Variants in WNT3 observed in about 807,000 individuals in gnomAD.
WNT3 encodes proto-oncogene Wnt-3.
A neutral mutation model predicts 34.2 loss-of-function variants in WNT3; 7 were observed. That is an observed-to-expected ratio of 0.20 (90% CI 0.12 to 0.38). The LOEUF is 0.38. Ranked by LOEUF, WNT3 falls within the 10% of genes least tolerant of loss-of-function variation. WNT3 has a pLI of 1.00. For synonymous variants in WNT3, 212 were observed against 211.5 expected, an observed-to-expected ratio of 1.00 and a Z score of -0.02; for missense variants, 267 against 499.8, an observed-to-expected ratio of 0.53 and a Z score of 4.44.
intron 1 of WNT3, among the ~76,000 whole-genome samples, chr17:46,797,173 T>C (rs935657503): frequency 2.6e-5 from 4 of 152,230 alleles, no homozygotes; most frequent in Admixed American, 2.6e-4. Flanking sequence ...AAGTTGCCTG[T>C]GGCGATTCTT....
chr17:46,818,606 G>A lies in WNT3; in HGVS notation c.-9C>T. 3.1e-6 allele frequency: 5 copies of A among 1,590,016 alleles called. No individual in the cohort carries two copies. Among genetic ancestry groups the A allele is most frequent in the African/African-American group, 1.3e-5 (1 of 74,728 alleles). On this transcript the variant is annotated 5_prime_UTR_variant, in exon 1 of 5. Coordinates refer to ENST00000225512, the MANE Select transcript of WNT3 (RefSeq NM_030753.5). ...AGCAGGTGGGGCTCCATTAGAAGAG[G>A]CGCCGAGGAGGAAGTTTGCCCGCGA...
At position 46,818,582 on chromosome 17, in the gene WNT3, G is replaced by A. The variant is rs896697492; in HGVS notation, c.16C>T (p.Leu6Phe). The change falls in exon 1 of 5, where the codon CTC becomes TTC. Residue 6 changes from leucine to phenylalanine, a missense_variant. By Grantham distance (22) the Leu-to-Phe change is conservative. This residue lies in a region of WNT3 where 26 missense variants were observed against 25.8 expected (regional missense o/e 1.01). Coordinates refer to ENST00000225512, the MANE Select transcript of WNT3 (RefSeq NM_030753.5). MEPHL[L>F]GLLLGLLLGG... ...AGCAGGAGGCCGAGGAGCAGCCCGAGCAGGTGGGGCTCCATTAGAAGAGGC... is the reference window on the plus strand; with the variant it reads ...AGCAGGAGGCCGAGGAGCAGCCCGAACAGGTGGGGCTCCATTAGAAGAGGC... The A allele has an allele frequency of 4.4e-6, 7 of 1,603,096 alleles. No homozygotes were observed. The Admixed American group carries it at 5.1e-5, about 12-fold the overall frequency.
chr17:46,793,671 C>T (rs1468048079), intron 1 of WNT3, among the ~76,000 whole-genome samples: 1 of 152,188 alleles, frequency 6.6e-6, no homozygotes, highest in Non-Finnish European at 1.5e-5. Context: ...TCTCCCAAGA[C>T]AACACACCCA....
At chr17:46,789,153 A>T (rs1413839900) in intron 1 of WNT3, among the ~76,000 whole-genome samples, 2 of 152,056 alleles carry the variant, frequency 1.3e-5, no homozygotes, top group African/African-American at 4.8e-5. Flanking sequence ...CTCTTACCTG[A>T]ACCTGGAGCT....
intron 1 of WNT3, among the ~76,000 whole-genome samples, chr17:46,782,307 TGAG>T (rs953038061): frequency 5.9e-5 from 9 of 152,030 alleles, no homozygotes; most frequent in Admixed American, 4.6e-4. Context: ...GGAGGGAAGG[TGAG>T]GAGAAGGAGT....
intron 2 of WNT3, among the ~76,000 whole-genome samples, chr17:46,770,273 G>C (rs900711855): frequency 2.6e-5 from 4 of 152,234 alleles, no homozygotes; most frequent in African/African-American, 4.8e-5. Context: ...CTGGGCTGCT[G>C]ATTAGCTCAG....
intron 1 of WNT3, among the ~76,000 whole-genome samples, chr17:46,791,997 A>T (rs903200441): frequency 6.6e-6 from 1 of 152,176 alleles, no homozygotes; most frequent in Non-Finnish European, 1.5e-5. Flanking sequence ...CTGTGATTGC[A>T]CCACTGCACT....
chr17:46,798,251 T>C (rs1373637904), intron 1 of WNT3, among the ~76,000 whole-genome samples: 1 of 152,126 alleles, frequency 6.6e-6, no homozygotes, highest in Non-Finnish European at 1.5e-5. Flanking sequence ...TTTTAAGTAA[T>C]GGAATAAATA....
intron 1 of WNT3, among the ~76,000 whole-genome samples, chr17:46,774,150 G>A (rs373464282): frequency 3.9e-5 from 6 of 152,244 alleles, no homozygotes; most frequent in East Asian, 1.9e-4. Flanking sequence ...CGCAGAAGCC[G>A]CTTGTGGGGG....
At chr17:46,773,616 T>TGGGGGGGGGGG in intron 2 of WNT3, 52 bp downstream of exon 2, 2 of 997,786 alleles carry the variant, frequency 2.0e-6, no homozygotes, top group Non-Finnish European at 1.5e-6. Flanking sequence ...CATACAGTCC[T>TGGGGGGGGGGG]GATCCCTCCC....
At chr17:46,816,493 A>G (rs908905355) in intron 1 of WNT3, among the ~76,000 whole-genome samples, 13 of 151,136 alleles carry the variant, frequency 8.6e-5, no homozygotes, top group East Asian at 5.9e-4. Context: ...ACACACACAC[A>G]CACACACACA....
intron 1 of WNT3, among the ~76,000 whole-genome samples, chr17:46,790,645 T>C (rs2083972775): frequency 6.6e-6 from 1 of 152,118 alleles, no homozygotes. Context: ...CAACCTCTGG[T>C]CTTGTCCACT....
chr17:46,794,552 T>C (rs1479667178), intron 1 of WNT3, among the ~76,000 whole-genome samples: 3 of 152,114 alleles, frequency 2.0e-5, no homozygotes, highest in Non-Finnish European at 4.4e-5. Flanking sequence ...CTCTCCTTTG[T>C]TTGCAGAACA....
intron 1 of WNT3, among the ~76,000 whole-genome samples, chr17:46,791,407 A>T (rs1470068597): frequency 3.3e-5 from 5 of 152,008 alleles, no homozygotes; most frequent in African/African-American, 4.8e-5. Flanking sequence ...GGGTTTCAAC[A>T]TGTTGGCCAG....
chr17:46,771,898 C>G (rs2059376676), intron 2 of WNT3, among the ~76,000 whole-genome samples: 1 of 145,470 alleles, frequency 6.9e-6, no homozygotes. Context: ...GCCCCTGCCC[C>G]CGCCCCCGCC....
At chr17:46,794,123 G>A (rs1598781926) in intron 1 of WNT3, among the ~76,000 whole-genome samples, 1 of 152,220 alleles carries the variant, frequency 6.6e-6, no homozygotes, top group Non-Finnish European at 1.5e-5. Context: ...TGGTGGGAGG[G>A]GCGTGGGGGA....
intron 1 of WNT3, among the ~76,000 whole-genome samples, chr17:46,810,252 C>T (rs948623307): frequency 2.0e-5 from 3 of 152,168 alleles, no homozygotes; most frequent in Non-Finnish European, 2.9e-5. Flanking sequence ...AGGTGATCCA[C>T]CCGCCTCGGC....
chr17:46,816,144 C>T (rs1032321054), intron 1 of WNT3, among the ~76,000 whole-genome samples: 2 of 151,970 alleles, frequency 1.3e-5, no homozygotes, highest in African/African-American at 2.4e-5. Flanking sequence ...CACACACGCA[C>T]GCACGCACAC....
At position 46,795,203 on chromosome 17, in the gene WNT3, C is replaced by T. The variant is rs1467866756; in HGVS notation, c.81-21294G>A. 2.6e-5 allele frequency among the ~76,000 whole-genome samples: 4 copies of T among 152,220 alleles called. No individual in the cohort carries two copies. The East Asian group carries it at 7.7e-4, about 29-fold the overall frequency. ...GAATGAATCCCCAGGCTTGTCTGCT[C>T]CCCCATAAACACCCTCTGGAATGTG... On this transcript the variant is annotated intron_variant, in intron 1 of 4. Transcript: ENST00000225512.
Sources: gnomAD v4.1 joint callset for allele counts (sites outside exome capture counted in the v4.1 genomes callset) on GRCh38, gnomAD v4.1.1 for gene constraint, gnomAD v4.1.1 regional missense constraint, MANE v1.5 for transcripts, NCBI Gene and HGNC (gene_info 2026-07-23, HGNC 2026-07-21) for gene names.